The following USH2A variants were observed in gnomAD, a reference collection of about 807,000 sequenced individuals.
USH2A encodes the protein Usher syndrome 2A (autosomal recessive, mild).
A neutral mutation model predicts 538.9 loss-of-function variants in USH2A; 443 were observed. That is an observed-to-expected ratio of 0.82 (90% CI 0.76 to 0.89). The LOEUF is 0.89. Among genes scored for constraint, USH2A ranks in the 40% least tolerant of loss-of-function variants. The probability of loss-of-function intolerance (pLI) is 0.00; values close to 1 mark genes in which losing one functional copy is unlikely to be tolerated. For synonymous variants in USH2A, 2,413 were observed against 2,273.5 expected (o/e 1.06, Z -1.75); for missense variants, 6,633 against 6,324.8 (o/e 1.05, Z -1.65).
At chr1:216,370,919 A>G (rs2102717708) in intron 3 of USH2A, among the ~76,000 whole-genome samples, 1 of 152,144 alleles carries the variant, frequency 6.6e-6, no homozygotes, top group South Asian at 2.1e-4. Context: ...GTGTACTATA[A>G]CCACTTACTT....
Position 215,799,000 on chromosome 1 carries a change from C to T in USH2A, c.9865G>A (p.Gly3289Ser). 3 of 1,614,098 alleles carry T rather than the reference C, an allele frequency of 1.9e-6. No individual in the cohort carries two copies. Among genetic ancestry groups the T allele is most frequent in the Non-Finnish European group, 2.5e-6 (3 of 1,179,998 alleles). ...QICCAGRLHD[G>S]HGQKCCGRQI... Reference sequence around the variant, plus strand: ...CTGCCACAGCACTTCTGGCCATGGCCATCATGAAGCCTCCCAGCACAGCAA... The same window carrying T: ...CTGCCACAGCACTTCTGGCCATGGCTATCATGAAGCCTCCCAGCACAGCAA... The change falls in exon 50 of 72, where the codon GGC becomes AGC. Residue 3289 changes from glycine (G) to serine (S), a missense_variant. Coordinates refer to ENST00000307340, the MANE Select transcript of USH2A (RefSeq NM_206933.4).
At chr1:215,994,985 T>C (rs1668099925) in intron 34 of USH2A, among the ~76,000 whole-genome samples, 1 of 152,156 alleles carries the variant, frequency 6.6e-6, no homozygotes, top group Non-Finnish European at 1.5e-5. Context: ...AGATTTTTTT[T>C]CCTTAGAAGG....
rs190312782 is a variant in USH2A, at chr1:216,355,290, T to G, written c.784+9663A>C. ...TGCACTCCAGCCTGGGTTGACAGAG[T>G]GAAAGACTCTGCTTCAAAAAGAAAG... On this transcript the variant is annotated intron_variant, in intron 4 of 71. Transcript: ENST00000307340. 8.0e-5 allele frequency among the ~76,000 whole-genome samples: 9 copies of G among 112,224 alleles called. No homozygotes were observed. In the East Asian group the frequency reaches 2.1e-3, roughly 26 times the overall value. The allele number at this position is 112,224 out of a possible 152,430, so 73.6% of individuals were successfully genotyped here.
intron 60 of USH2A, among the ~76,000 whole-genome samples, chr1:215,731,645 TA>T (rs1659998599): frequency 6.6e-6 from 1 of 152,208 alleles, no homozygotes; most frequent in Non-Finnish European, 1.5e-5. Context: ...CATATATTTT[TA>T]AAGGCAGTCA....
intron 67 of USH2A, among the ~76,000 whole-genome samples, chr1:215,641,925 A>G (rs915285651): frequency 1.3e-5 from 2 of 152,214 alleles, no homozygotes; most frequent in African/African-American, 4.8e-5. Flanking sequence ...TTAAATCTCA[A>G]TGCTTTTCCA....
At chr1:216,329,540 T>C (rs2037811583) in intron 4 of USH2A, among the ~76,000 whole-genome samples, 1 of 152,094 alleles carries the variant, frequency 6.6e-6, no homozygotes, top group South Asian at 2.1e-4. Context: ...TGGGCCTGTG[T>C]CCCGTTTTTT....
At chr1:216,212,726 GGT>G (rs371071186) in intron 15 of USH2A, among the ~76,000 whole-genome samples, 16 of 150,346 alleles carry the variant, frequency 1.1e-4, no homozygotes, top group Non-Finnish European at 1.6e-4. Flanking sequence ...TGTATGTAGG[GGT>G]GTGTGTGTGT....
At chr1:215,880,253 G>A (rs1292260550) in intron 41 of USH2A, among the ~76,000 whole-genome samples, 1 of 152,136 alleles carries the variant, frequency 6.6e-6, no homozygotes, top group East Asian at 1.9e-4. Context: ...TTAAATCAAA[G>A]GGAGAAGGTT....
At chr1:216,266,309 C>G (rs937513349) in intron 11 of USH2A, among the ~76,000 whole-genome samples, 1 of 151,914 alleles carries the variant, frequency 6.6e-6, no homozygotes, top group Non-Finnish European at 1.5e-5. Flanking sequence ...AAAAAGGAAA[C>G]AAAAATTTCC....
intron 16 of USH2A, among the ~76,000 whole-genome samples, chr1:216,202,122 A>T (rs1006362146): frequency 1.3e-5 from 2 of 152,240 alleles, no homozygotes; most frequent in African/African-American, 4.8e-5. Flanking sequence ...AAAATAATTT[A>T]GCATGCCAAA....
chr1:216,422,097 G>GGTAC lies in USH2A; in HGVS notation c.236_239dup (p.Gln81TyrfsTer28), dbSNP rs1553258097. ...GGCAATCCTGAATACAAAACCGCTGGGTACAGAACTGAATACTTTCAGCAG... is the reference window on the plus strand; with the variant it reads ...GGCAATCCTGAATACAAAACCGCTGGGTACGTACAGAACTGAATACTTTCAGCAG... On this transcript the variant is annotated frameshift_variant, in exon 2 of 72. Coordinates refer to ENST00000307340, the MANE Select transcript of USH2A (RefSeq NM_206933.4). LOFTEE classifies it high-confidence loss of function. 1.9e-6 allele frequency: 3 copies of GGTAC among 1,613,770 alleles called. No homozygotes were observed. The highest frequency in any genetic ancestry group is 2.5e-6 in the Non-Finnish European group (3 of 1,179,878).
rs147607811 is a variant in USH2A, at chr1:215,989,339, A to G, written c.6805+3681T>C. Among the ~76,000 whole-genome samples, 468 of 152,274 alleles carry G rather than the reference A, an allele frequency of 3.1e-3. 2 individuals are homozygous for G. Among genetic ancestry groups the G allele is most frequent in the African/African-American group, 0.011 (458 of 41,576 alleles). ...TCCTGCAACATCTTCGTGAGGATGC[A>G]GAGGGATGACATGTCCACATCTCAT... On this transcript the variant is annotated intron_variant, in intron 35 of 71. Transcript: ENST00000307340.
At chr1:215,965,511 CAAATA>C in intron 36 of USH2A, 32 bp from the exon 37 acceptor site, 1 of 1,610,672 alleles carries the variant, frequency 6.2e-7, no homozygotes, top group Non-Finnish European at 8.5e-7. Flanking sequence ...TTTTTGTTTG[CAAATA>C]AAATAAGTAC....
At chr1:216,299,524 G>C (rs879749113) in intron 9 of USH2A, among the ~76,000 whole-genome samples, 3 of 151,972 alleles carry the variant, frequency 2.0e-5, no homozygotes, top group Admixed American at 2.0e-4. Flanking sequence ...CCGGTGGGTG[G>C]TAGGTTTACA....
intron 21 of USH2A, among the ~76,000 whole-genome samples, chr1:216,159,274 C>A (rs9660965): frequency 6.6e-6 from 1 of 151,834 alleles, no homozygotes. Flanking sequence ...CTGTACCTGA[C>A]CTCTGGGAAA....
intron 41 of USH2A, among the ~76,000 whole-genome samples, chr1:215,886,052 T>TC (rs1665045522): frequency 6.6e-6 from 1 of 152,212 alleles, no homozygotes; most frequent in Non-Finnish European, 1.5e-5. Flanking sequence ...AAAGAGGCAC[T>TC]TACAAAGATG....
chr1:215,645,120 T>C (rs749813548), intron 67 of USH2A, among the ~76,000 whole-genome samples: 1 of 152,124 alleles, frequency 6.6e-6, no homozygotes, highest in Non-Finnish European at 1.5e-5. Flanking sequence ...AGACATCTCT[T>C]TTCCTGGAAA....
At chr1:215,902,781 T>C (rs1665534375) in intron 38 of USH2A, among the ~76,000 whole-genome samples, 1 of 152,196 alleles carries the variant, frequency 6.6e-6, no homozygotes, top group Admixed American at 6.6e-5. Flanking sequence ...CAGCCAGAGA[T>C]AGCAGTACAT....
rs2033391470 is a variant in USH2A at position 216,132,226 on chromosome 1, AAAAAT to A, written c.4628-35018_4628-35014del. On this transcript the variant is annotated intron_variant, in intron 21 of 71. Transcript: ENST00000307340. ...ACCTGGGAAGACTGCTCTTTCAAAGAAAAATAAAATAAATTTTACTTTTCACACTT... is the reference window on the plus strand; with the variant it reads ...ACCTGGGAAGACTGCTCTTTCAAAGAAAAATAAATTTTACTTTTCACACTT... Among the ~76,000 whole-genome samples the A allele has an allele frequency of 4.6e-5, 7 of 152,258 alleles. No homozygotes were observed. In the South Asian group the frequency reaches 1.2e-3, roughly 27 times the overall value.
Sources: allele counts gnomAD v4.1 joint callset (sites outside exome capture counted in the v4.1 genomes callset), GRCh38; gene constraint gnomAD v4.1.1; transcripts MANE v1.5; gene names NCBI Gene and HGNC (gene_info 2026-07-23, HGNC 2026-07-21).